Variants in PICALM observed in about 807,000 individuals in gnomAD.
The protein encoded by PICALM is phosphatidylinositol binding clathrin assembly protein.
Under a neutral mutation model 80.5 loss-of-function variants are expected in PICALM, and 40 were observed. That is an observed-to-expected ratio of 0.50 (90% CI 0.39 to 0.65). The LOEUF (loss-of-function observed/expected upper bound fraction) is 0.65. Among genes scored for constraint, PICALM ranks in the 30% least tolerant of loss-of-function variants. The pLI is 0.00. For synonymous variants in PICALM, 288 were observed against 260.3 expected (o/e 1.11, Z -1.02); for missense variants, 676 against 778.9 (o/e 0.87, Z 1.57).
At chr11:85,978,042 G>A (rs749493839) in intron 17 of PICALM, 4 of 1,595,380 alleles carry the variant, frequency 2.5e-6, no homozygotes, top group Non-Finnish European at 3.4e-6. Flanking sequence ...CCAATTTATT[G>A]CAAAAAGGCT....
chr11:85,960,899 G>T, intron 19 of PICALM: 1 of 328,272 alleles, frequency 3.0e-6, no homozygotes, highest in African/African-American at 2.2e-5. Context: ...TAAATATAAG[G>T]GCAGTCTTTG....
intron 8 of PICALM, among the ~76,000 whole-genome samples, chr11:86,007,036 G>A (rs1221730236): frequency 1.3e-5 from 2 of 152,084 alleles, no homozygotes; most frequent in East Asian, 3.9e-4. Context: ...CAAAGTCACA[G>A]GGCCAGCTAA....
At chr11:86,055,746 G>A (rs996382580) in intron 1 of PICALM, among the ~76,000 whole-genome samples, 9 of 152,110 alleles carry the variant, frequency 5.9e-5, no homozygotes, top group African/African-American at 1.7e-4. Flanking sequence ...AAATCTAAGA[G>A]CTAAAATTTC....
chr11:86,026,009 T>C (rs778183788), intron 3 of PICALM, among the ~76,000 whole-genome samples: 9 of 152,290 alleles, frequency 5.9e-5, no homozygotes, highest in Middle Eastern at 3.4e-3. Context: ...CAAGTTCATA[T>C]AGCTGGTAGG....
intron 12 of PICALM, among the ~76,000 whole-genome samples, chr11:85,992,875 A>T (rs2094833173): frequency 1.3e-5 from 2 of 152,208 alleles, no homozygotes; most frequent in Admixed American, 6.5e-5. Context: ...AATATTCAGA[A>T]ATATTTGCAA....
chr11:86,018,474 T>C (rs190749974), intron 4 of PICALM, among the ~76,000 whole-genome samples: 35 of 152,270 alleles, frequency 2.3e-4, no homozygotes, highest in African/African-American at 7.5e-4. Context: ...ATTTATTCTA[T>C]AGAAAAACTC....
chr11:85,961,929 G>C (rs991557449), intron 19 of PICALM, among the ~76,000 whole-genome samples: 1 of 151,516 alleles, frequency 6.6e-6, no homozygotes, highest in Non-Finnish European at 1.5e-5. Flanking sequence ...AATGAGCTTC[G>C]GCAAATATTA....
At chr11:85,970,867 C>T (rs1029516085) in intron 19 of PICALM, among the ~76,000 whole-genome samples, 3 of 152,090 alleles carry the variant, frequency 2.0e-5, no homozygotes, top group Admixed American at 6.5e-5. Context: ...ACAAATACTG[C>T]CTACAAAAGA....
In PICALM at chr11:86,011,066, C is replaced by A; in HGVS notation, c.729G>T (p.Arg243Ser). The change falls in exon 7 of 20, where the codon AGG becomes AGT. Residue 243 changes from arginine to serine, a missense_variant. By Grantham distance (110) the Arg-to-Ser change is moderately radical. Around this residue, in one of 2 missense-constraint regions of PICALM, gnomAD observed 285 missense variants for 395.4 expected, o/e 0.72. Coordinates refer to ENST00000393346, the MANE Select transcript of PICALM (RefSeq NM_007166.4). ...TGAGGAACTCTGAGATTCTTGTCAT[C>A]CTAGTTAGGAACTTCTTATAGATGT... ...GLDIYKKFLT[R>S]MTRISEFLKV... 1 of 1,557,256 alleles carries A rather than the reference C, an allele frequency of 6.4e-7. No individual in the cohort carries two copies. The highest frequency in any genetic ancestry group is 8.8e-7 in the Non-Finnish European group (1 of 1,137,608).
intron 19 of PICALM, among the ~76,000 whole-genome samples, chr11:85,971,209 C>G (rs2094101674): frequency 6.6e-6 from 1 of 152,172 alleles, no homozygotes; most frequent in South Asian, 2.1e-4. Flanking sequence ...CAATTTGCTT[C>G]CTTCATTTGC....
At chr11:86,052,102 C>T (rs2096199291) in intron 1 of PICALM, among the ~76,000 whole-genome samples, 1 of 152,188 alleles carries the variant, frequency 6.6e-6, no homozygotes, top group East Asian at 1.9e-4. Context: ...TGTAATAATA[C>T]CCATGTGAAG....
chr11:85,969,334 G>A (rs1047478858), intron 19 of PICALM, among the ~76,000 whole-genome samples: 22 of 152,194 alleles, frequency 1.4e-4, no homozygotes, highest in African/African-American at 5.3e-4. Context: ...GTAAGTAACA[G>A]CTCTCAAAAC....
chr11:86,044,520 C>T (rs1292495737), intron 1 of PICALM, among the ~76,000 whole-genome samples: 1 of 152,184 alleles, frequency 6.6e-6, no homozygotes, highest in Non-Finnish European at 1.5e-5. Flanking sequence ...TATTCACATG[C>T]TTCACAATTA....
chr11:85,959,656 A>C (rs964713768), intron 19 of PICALM, among the ~76,000 whole-genome samples: 8 of 149,788 alleles, frequency 5.3e-5, no homozygotes, highest in Non-Finnish European at 1.2e-4. Flanking sequence ...AAAAAAAAAA[A>C]GCTCATTGGA....
At chr11:86,018,968 AAGC>A (rs2095524047) in intron 4 of PICALM, among the ~76,000 whole-genome samples, 1 of 152,112 alleles carries the variant, frequency 6.6e-6, no homozygotes, top group Admixed American at 6.5e-5. Context: ...AGGGGAAGAA[AAGC>A]AGCCTTCAAA....
intron 1 of PICALM, among the ~76,000 whole-genome samples, chr11:86,061,393 A>G (rs1337030865): frequency 2.0e-5 from 3 of 151,848 alleles, no homozygotes; most frequent in Non-Finnish European, 4.4e-5. Flanking sequence ...ACTGTTATTC[A>G]AAATAAACAA....
At chr11:85,993,198 C>G (rs1024216549) in intron 12 of PICALM, among the ~76,000 whole-genome samples, 3 of 151,970 alleles carry the variant, frequency 2.0e-5, no homozygotes, top group Admixed American at 2.0e-4. Context: ...GCAATCCCCC[C>G]ACTTTAGCCT....
At chr11:85,988,279 G>A (rs2094641681) in intron 13 of PICALM, among the ~76,000 whole-genome samples, 1 of 152,192 alleles carries the variant, frequency 6.6e-6, no homozygotes, top group African/African-American at 2.4e-5. Flanking sequence ...TTTGAGAATG[G>A]AGTAAAGTAA....
At chr11:85,971,744 AAAAC>A (rs1184079030) in intron 19 of PICALM, among the ~76,000 whole-genome samples, 1 of 151,548 alleles carries the variant, frequency 6.6e-6, no homozygotes, top group African/African-American at 2.4e-5. Context: ...TCAAAAAAAA[AAAAC>A]AAAACAAAAA....
Sources: allele counts gnomAD v4.1 joint callset (sites outside exome capture counted in the v4.1 genomes callset), GRCh38; gene constraint gnomAD v4.1.1; regional missense constraint gnomAD v4.1.1; transcripts MANE v1.5; gene names NCBI Gene and HGNC (gene_info 2026-07-23, HGNC 2026-07-21).